GOLPH3: variants seen among roughly 807,000 people sequenced by gnomAD.
GOLPH3 encodes coat protein GPP34.
In GOLPH3, 14 loss-of-function variants were observed where a neutral mutation model predicts 28.5. The ratio of observed to expected loss-of-function variants is 0.49; its 90% CI spans 0.32 to 0.77. The LOEUF (loss-of-function observed/expected upper bound fraction) is 0.77, where lower values mean the gene tolerates loss of function less well. GOLPH3 is among the 30% of genes least tolerant of loss of function. The pLI, the probability that GOLPH3 is intolerant of heterozygous loss-of-function variation, is 0.03. For missense variants in GOLPH3, 350 were observed against 393.7 expected, an observed-to-expected ratio of 0.89 and a Z score of 0.94; for synonymous variants, 158 against 159.2, an observed-to-expected ratio of 0.99 and a Z score of 0.06.
chr5:32,134,201 C>G (rs982374540), intron 3 of GOLPH3, among the ~76,000 whole-genome samples: 1 of 151,994 alleles, frequency 6.6e-6, no homozygotes, highest in Admixed American at 6.6e-5. Context: ...AAGGTCCTAT[C>G]TCTACAAAAA....
rs11541492 is a variant in GOLPH3 at position 32,173,935 on chromosome 5, C to G, written c.100G>C (p.Gly34Arg). Residue 34 changes from glycine (G) to arginine (R), a missense_variant, in exon 1 of 4, where the codon GGC becomes CGC. Physicochemically the swap from Gly to Arg is moderately radical, Grantham distance 125 (BLOSUM62 -2). Transcript: ENST00000265070. Reference sequence around the variant, plus strand: ...CTCTGCGCGTCGTCCTCGCTGCTGCCGGCGCCGCCGCCCGCCGCCCGCTCC... The same window carrying G: ...CTCTGCGCGTCGTCCTCGCTGCTGCGGGCGCCGCCGCCCGCCGCCCGCTCC... ...DKERAAGGGA[G>R]SSEDDAQSRR... The G allele has an allele frequency of 1.3e-6, 2 of 1,483,150 alleles. No homozygotes were observed. Among genetic ancestry groups the G allele is most frequent in the Non-Finnish European group, 1.8e-6 (2 of 1,122,600 alleles). The allele number at this position is 1,483,150 out of a possible 1,614,324, so 91.9% of individuals were successfully genotyped here. A position where few individuals can be genotyped will look rare whatever the true frequency, so the allele number is the denominator to read the frequency against.
At chr5:32,158,127 T>TAAAA (rs1379826912) in intron 1 of GOLPH3, among the ~76,000 whole-genome samples, 1 of 31,706 alleles carries the variant, frequency 3.2e-5, no homozygotes, top group Non-Finnish European at 6.4e-5. Context: ...AATAAATAAA[T>TAAAA]AAAATACACA....
chr5:32,150,422 GAAAA>G (rs35032469), intron 1 of GOLPH3, among the ~76,000 whole-genome samples: 1 of 107,948 alleles, frequency 9.3e-6, no homozygotes, highest in Non-Finnish European at 2.1e-5. Context: ...AGTTCCTAAA[GAAAA>G]AAAAAAAAAA....
At chr5:32,150,108 T>A (rs1241338553) in intron 1 of GOLPH3, among the ~76,000 whole-genome samples, 1 of 151,998 alleles carries the variant, frequency 6.6e-6, no homozygotes, top group Non-Finnish European at 1.5e-5. Flanking sequence ...CCAGATTATA[T>A]AAAATTAAAC....
rs1029378427 is a variant in GOLPH3, at chr5:32,143,016, A to G, written c.357+733T>C. Reference sequence around the variant, plus strand: ...GGTTTTGTGGAATAGAAAGTGGGGAAAGGTGGGGAAAAGATTGAGAAATCG... The same window carrying G: ...GGTTTTGTGGAATAGAAAGTGGGGAGAGGTGGGGAAAAGATTGAGAAATCG... On this transcript the variant is annotated intron_variant, in intron 2 of 3. Coordinates refer to ENST00000265070, the MANE Select transcript of GOLPH3 (RefSeq NM_022130.4). Among the ~76,000 whole-genome samples, 50 of 152,266 alleles carry G rather than the reference A, an allele frequency of 3.3e-4. No homozygotes were observed. The East Asian group carries it at 7.9e-3, about 24-fold the overall frequency.
intron 1 of GOLPH3, among the ~76,000 whole-genome samples, chr5:32,158,826 T>A (rs965150760): frequency 4.1e-4 from 63 of 152,272 alleles, no homozygotes; most frequent in African/African-American, 1.5e-3. Context: ...TTCAAGATAC[T>A]CTCCATTAAC....
At chr5:32,140,223 G>T (rs1009595753) in intron 2 of GOLPH3, among the ~76,000 whole-genome samples, 9 of 152,040 alleles carry the variant, frequency 5.9e-5, no homozygotes, top group Admixed American at 2.0e-4. Flanking sequence ...ACAGAAGGAG[G>T]CCCGGCACAG....
chr5:32,142,855 C>T (rs1232868215), intron 2 of GOLPH3, among the ~76,000 whole-genome samples: 8 of 150,378 alleles, frequency 5.3e-5, no homozygotes, highest in Non-Finnish European at 8.9e-5. Context: ...CCCGGCCAGC[C>T]GCCCCGTCCG....
chr5:32,138,510 A>C (rs1745987851), intron 2 of GOLPH3, among the ~76,000 whole-genome samples: 1 of 152,122 alleles, frequency 6.6e-6, no homozygotes, highest in Non-Finnish European at 1.5e-5. Context: ...AGCATTAGGT[A>C]TATCTCCTAA....
At chr5:32,169,958 AG>A (rs1746794865) in intron 1 of GOLPH3, among the ~76,000 whole-genome samples, 2 of 151,800 alleles carry the variant, frequency 1.3e-5, no homozygotes, top group African/African-American at 4.8e-5. Flanking sequence ...AAATGTGTAA[AG>A]AAAAAAAAAA....
intron 2 of GOLPH3, among the ~76,000 whole-genome samples, chr5:32,142,462 G>T (rs568337620): frequency 1.3e-5 from 2 of 149,376 alleles, no homozygotes; most frequent in Non-Finnish European, 3.0e-5. Context: ...CACCTCGTCC[G>T]GGAGGGAGGT....
At chr5:32,165,275 A>G (rs1746685548) in intron 1 of GOLPH3, among the ~76,000 whole-genome samples, 1 of 152,124 alleles carries the variant, frequency 6.6e-6, no homozygotes, top group Non-Finnish European at 1.5e-5. Context: ...AGCCTGAAAT[A>G]TATGACATCA....
chr5:32,151,965 T>C (rs1056839367), intron 1 of GOLPH3, among the ~76,000 whole-genome samples: 1 of 152,046 alleles, frequency 6.6e-6, no homozygotes, highest in African/African-American at 2.4e-5. Flanking sequence ...GAGAAGGAAA[T>C]AGTAGCTATT....
chr5:32,138,121 C>G (rs967533078), intron 2 of GOLPH3, among the ~76,000 whole-genome samples: 6 of 152,020 alleles, frequency 3.9e-5, no homozygotes, highest in Non-Finnish European at 2.9e-5. Context: ...GCAGGCTGGT[C>G]TTGAACTCCT....
intron 1 of GOLPH3, among the ~76,000 whole-genome samples, chr5:32,147,279 G>C (rs1426668284): frequency 2.0e-5 from 3 of 152,134 alleles, no homozygotes; most frequent in Non-Finnish European, 4.4e-5. Flanking sequence ...TGACCTTGAA[G>C]CATTTTAATT....
intron 1 of GOLPH3, among the ~76,000 whole-genome samples, chr5:32,165,362 C>A (rs1480518848): frequency 2.0e-5 from 3 of 152,120 alleles, no homozygotes; most frequent in Non-Finnish European, 4.4e-5. Context: ...GTGGGTGGAT[C>A]ACATGAGGTC....
At chr5:32,148,930 G>A (rs1453889809) in intron 1 of GOLPH3, among the ~76,000 whole-genome samples, 4 of 152,092 alleles carry the variant, frequency 2.6e-5, no homozygotes, top group African/African-American at 4.8e-5. Context: ...AGCTGAGATC[G>A]CACCACTGCA....
At chr5:32,173,766 G>C in intron 1 of GOLPH3, 44 bp downstream of exon 1, 1 of 1,287,586 alleles carries the variant, frequency 7.8e-7, no homozygotes, top group Non-Finnish European at 9.8e-7. Flanking sequence ...CCTGGCGCCC[G>C]GGCCCCGCGC....
intron 3 of GOLPH3, 117 bp from the exon 4 acceptor site, chr5:32,126,753 T>G (rs1374675042): frequency 1.3e-6 from 1 of 786,568 alleles, no homozygotes; most frequent in East Asian, 2.6e-5. Flanking sequence ...GAAGAAAATC[T>G]GCCATGTTTT....
Sources: allele counts gnomAD v4.1 joint callset (sites outside exome capture counted in the v4.1 genomes callset), GRCh38; gene constraint gnomAD v4.1.1; transcripts MANE v1.5; gene names NCBI Gene and HGNC (gene_info 2026-07-23, HGNC 2026-07-21).